MAGI2: variants seen among roughly 807,000 people sequenced by gnomAD.
MAGI2 encodes membrane associated guanylate kinase, WW and PDZ domain containing 2.
Under a neutral mutation model 133.3 loss-of-function variants are expected in MAGI2, and 35 were observed. The ratio of observed to expected loss-of-function variants is 0.26; its 90% confidence interval spans 0.20 to 0.35. The LOEUF is 0.35. MAGI2 is among the 10% of genes least tolerant of loss of function. The pLI is 1.00. For synonymous variants in MAGI2, 729 were observed against 710.6 expected (o/e 1.03, Z -0.41); for missense variants, 1,636 against 1,863.4 (o/e 0.88, Z 2.25).
intron 1 of MAGI2, among the ~76,000 whole-genome samples, chr7:79,223,672 A>G (rs1232954917): frequency 6.6e-6 from 1 of 152,050 alleles, no homozygotes; most frequent in Non-Finnish European, 1.5e-5. Flanking sequence ...TACTAAAAAT[A>G]AAAATAAATT....
At chr7:78,340,043 A>G (rs1218384808) in intron 9 of MAGI2, among the ~76,000 whole-genome samples, 1 of 152,144 alleles carries the variant, frequency 6.6e-6, no homozygotes, top group Admixed American at 6.5e-5. Flanking sequence ...CTATACACAA[A>G]CCACTTTAAA....
At chr7:78,893,596 C>T (rs1796952218) in intron 2 of MAGI2, among the ~76,000 whole-genome samples, 1 of 152,046 alleles carries the variant, frequency 6.6e-6, no homozygotes, top group Non-Finnish European at 1.5e-5. Context: ...TGGATGAAGC[C>T]AGAAACCATC....
intron 2 of MAGI2, among the ~76,000 whole-genome samples, chr7:78,845,319 A>T (rs1425651681): frequency 2.0e-5 from 3 of 151,934 alleles, no homozygotes; most frequent in Non-Finnish European, 2.9e-5. Context: ...CTGGGTCAGA[A>T]TATAAACTGC....
intron 7 of MAGI2, among the ~76,000 whole-genome samples, chr7:78,354,938 G>A (rs866078766): frequency 6.6e-6 from 1 of 152,066 alleles, no homozygotes; most frequent in Non-Finnish European, 1.5e-5. Context: ...AGATAGAAGA[G>A]GTATGGAGAA....
intron 2 of MAGI2, among the ~76,000 whole-genome samples, chr7:78,813,802 A>AC (rs1204687576): frequency 2.0e-5 from 3 of 151,124 alleles, no homozygotes; most frequent in East Asian, 1.9e-4. Flanking sequence ...AAAAAAAAAA[A>AC]AACACAAAAA....
At chr7:78,827,010 G>C (rs1450596926) in intron 2 of MAGI2, among the ~76,000 whole-genome samples, 2 of 152,136 alleles carry the variant, frequency 1.3e-5, no homozygotes, top group Non-Finnish European at 2.9e-5. Context: ...GATAGGATTA[G>C]AGACATCGGT....
intron 5 of MAGI2, among the ~76,000 whole-genome samples, chr7:78,498,155 A>G (rs550169518): frequency 6.6e-6 from 1 of 152,338 alleles, no homozygotes; most frequent in African/African-American, 2.4e-5. Flanking sequence ...CTCAACACAA[A>G]AAACGACTAG....
At chr7:79,058,819 G>A (rs1253846527) in intron 1 of MAGI2, among the ~76,000 whole-genome samples, 2 of 152,070 alleles carry the variant, frequency 1.3e-5, no homozygotes, top group African/African-American at 4.8e-5. Flanking sequence ...GACAGATTAG[G>A]CAGAGTTAAA....
intron 1 of MAGI2, among the ~76,000 whole-genome samples, chr7:79,367,631 A>G (rs1165661386): frequency 6.6e-6 from 1 of 151,994 alleles, no homozygotes; most frequent in African/African-American, 2.4e-5. Flanking sequence ...AAAATAATAT[A>G]TGAGATAATC....
intron 1 of MAGI2, among the ~76,000 whole-genome samples, chr7:79,014,471 C>T (rs1808488704): frequency 6.6e-6 from 1 of 152,044 alleles, no homozygotes. Flanking sequence ...CTAATACAGT[C>T]TAATAAGAGC....
chr7:79,186,787 A>G (rs948730217), intron 1 of MAGI2, among the ~76,000 whole-genome samples: 3 of 71,922 alleles, frequency 4.2e-5, no homozygotes, highest in African/African-American at 8.3e-5. Context: ...ACACACACAC[A>G]AAAGTATATA....
rs117308811 is a variant in MAGI2 at position 78,954,655 on chromosome 7, G to A, written c.418+52435C>T. On this transcript the variant is annotated intron_variant, in intron 2 of 21. Coordinates refer to ENST00000354212, the MANE Select transcript of MAGI2 (RefSeq NM_012301.4). ...ACTTAATGCTCACTTTTAAAGTTCT[G>A]GCCAAAGGTCTAGAGAATAATTTTT... Among the ~76,000 whole-genome samples the A allele has an allele frequency of 7.5e-4, 114 of 152,156 alleles. No individual in the cohort carries two copies. In the Middle Eastern group the frequency reaches 0.01, roughly 14 times the overall value.
intron 2 of MAGI2, among the ~76,000 whole-genome samples, chr7:78,880,734 T>C (rs1795778754): frequency 6.6e-6 from 1 of 152,158 alleles, no homozygotes; most frequent in Admixed American, 6.6e-5. Context: ...TTATTAACCT[T>C]ATATGTAAAT....
At chr7:79,223,129 C>T (rs1044193480) in intron 1 of MAGI2, among the ~76,000 whole-genome samples, 3 of 152,040 alleles carry the variant, frequency 2.0e-5, no homozygotes, top group Non-Finnish European at 4.4e-5. Context: ...TCGTGATCCA[C>T]CCGCCTCGGC....
chr7:78,684,446 G>T (rs923572034), intron 2 of MAGI2, among the ~76,000 whole-genome samples: 3 of 152,138 alleles, frequency 2.0e-5, no homozygotes, highest in Non-Finnish European at 4.4e-5. Flanking sequence ...TGGGAAGCAC[G>T]TCTTTGATCT....
At chr7:78,228,079 C>A (rs1789590120) in intron 10 of MAGI2, among the ~76,000 whole-genome samples, 1 of 152,146 alleles carries the variant, frequency 6.6e-6, no homozygotes. Context: ...TGGCTGTGTT[C>A]CAATAACATT....
intron 2 of MAGI2, among the ~76,000 whole-genome samples, chr7:78,898,219 T>TTA (rs35879286): frequency 0.38 from 57,999 of 151,944 alleles, 12,476 homozygotes; most frequent in South Asian, 0.58. Context: ...AAAGGAACTC[T>TTA]TATATACACT....
chr7:78,991,605 T>TA (rs1296872616), intron 2 of MAGI2, among the ~76,000 whole-genome samples: 12 of 151,014 alleles, frequency 7.9e-5, no homozygotes, highest in East Asian at 3.9e-4. Flanking sequence ...TTTTTTTTTT[T>TA]AAATAATGAG....
chr7:79,376,663 G>A (rs763557194), intron 1 of MAGI2, among the ~76,000 whole-genome samples: 2 of 151,864 alleles, frequency 1.3e-5, no homozygotes, highest in Non-Finnish European at 2.9e-5. Context: ...AGGGTCATGC[G>A]AAATTTCATC....
Sources: gnomAD v4.1 joint callset for allele counts (sites outside exome capture counted in the v4.1 genomes callset) on GRCh38, gnomAD v4.1.1 for gene constraint, MANE v1.5 for transcripts, NCBI Gene and HGNC (gene_info 2026-07-23, HGNC 2026-07-21) for gene names.